Variants in PPP1R9A observed in about 807,000 individuals in gnomAD.
The protein encoded by PPP1R9A is neurabin-1.
PPP1R9A carries 59 observed loss-of-function variants against 141.9 expected under a neutral mutation model. That is an observed-to-expected ratio of 0.42 (90% CI 0.34 to 0.52). PPP1R9A has a LOEUF of 0.52. Among genes scored for constraint, PPP1R9A ranks in the 20% least tolerant of loss-of-function variants. The pLI, the probability that PPP1R9A is intolerant of heterozygous loss-of-function variation, is 0.10. For synonymous variants in PPP1R9A, 500 were observed against 569.7 expected (o/e 0.88, Z 1.74); for missense variants, 1,444 against 1,611.9 (o/e 0.90, Z 1.78).
At chr7:95,101,630 G>A (rs1445313433) in intron 2 of PPP1R9A, among the ~76,000 whole-genome samples, 1 of 152,054 alleles carries the variant, frequency 6.6e-6, no homozygotes, top group Non-Finnish European at 1.5e-5. Flanking sequence ...GCAACAAAGG[G>A]TAAAGAAAGA....
intron 2 of PPP1R9A, among the ~76,000 whole-genome samples, chr7:94,996,002 C>T (rs966137751): frequency 7.2e-5 from 11 of 152,132 alleles, no homozygotes; most frequent in African/African-American, 2.7e-4. Flanking sequence ...AGTACAAGAA[C>T]AGCATCTGGT....
rs1409034508 is a variant in PPP1R9A, at chr7:95,290,726, G to C, written c.*423G>C. Reference sequence around the variant, plus strand: ...CAATTGCACATGTCTGCATGGCAGAGAGCACCCTGCCATGAGATCTGAGAC... The same window carrying C: ...CAATTGCACATGTCTGCATGGCAGACAGCACCCTGCCATGAGATCTGAGAC... On this transcript the variant is annotated 3_prime_UTR_variant, in exon 20 of 20. Coordinates refer to ENST00000433360, the MANE Select transcript of PPP1R9A (RefSeq NM_001166160.2). The C allele has an allele frequency of 1.6e-5, 3 of 187,166 alleles. No individual in the cohort carries two copies. The highest frequency in any genetic ancestry group is 3.4e-5 in the Non-Finnish European group (3 of 88,520). The allele number at this position is 187,166 out of a possible 1,614,324, so 11.6% of individuals were successfully genotyped here. A position where few individuals can be genotyped will look rare whatever the true frequency, so the allele number is the denominator to read the frequency against.
At chr7:95,211,996 A>C (rs76703463) in intron 7 of PPP1R9A, among the ~76,000 whole-genome samples, 2,274 of 152,162 alleles carry the variant, frequency 0.015, 61 homozygotes, top group African/African-American at 0.051. Context: ...TCTCTAATCA[A>C]TCAATTAAAA....
intron 4 of PPP1R9A, chr7:95,155,187 T>TC (rs2152683302): frequency 4.1e-5 from 1 of 24,480 alleles, no homozygotes; most frequent in South Asian, 8.1e-4. Flanking sequence ...CTTTTTTTCT[T>TC]TTTTTTTTTT....
intron 2 of PPP1R9A, among the ~76,000 whole-genome samples, chr7:94,994,545 A>G (rs1801919886): frequency 1.3e-5 from 2 of 152,204 alleles, no homozygotes; most frequent in South Asian, 4.1e-4. Context: ...AGTTTTTATT[A>G]GGAATAATGT....
At chr7:95,161,467 A>C (rs1431098401) in intron 4 of PPP1R9A, among the ~76,000 whole-genome samples, 1 of 152,174 alleles carries the variant, frequency 6.6e-6, no homozygotes, top group Non-Finnish European at 1.5e-5. Context: ...CTCAGTGGAT[A>C]CCAAAATCTG....
At chr7:94,932,037 G>A (rs1794225651) in intron 2 of PPP1R9A, among the ~76,000 whole-genome samples, 1 of 152,204 alleles carries the variant, frequency 6.6e-6, no homozygotes, top group African/African-American at 2.4e-5. Flanking sequence ...CTTGAAGTAG[G>A]TAGGTGATGG....
chr7:95,272,258 C>T (rs535229027), intron 14 of PPP1R9A, among the ~76,000 whole-genome samples: 3 of 152,294 alleles, frequency 2.0e-5, no homozygotes, highest in South Asian at 4.1e-4. Context: ...ATAGTCCTAG[C>T]CATTAAGAGT....
chr7:95,270,676 G>A (rs10215772), intron 14 of PPP1R9A, among the ~76,000 whole-genome samples: 1,755 of 152,144 alleles, frequency 0.012, 31 homozygotes, highest in African/African-American at 0.041. Flanking sequence ...TTGGTCCCGA[G>A]GCTTACATAG....
Position 94,911,243 on chromosome 7 carries a change from C to G in PPP1R9A, c.1130C>G (p.Ser377Cys). ...GDFTSPDASA[S>C]SCGKEVPEDS... ...TTCACCTCTCCTGATGCTTCTGCAT[C>G]CAGTTGTGGAAAAGAAGTACCTGAA... Residue 377 changes from serine to cysteine, a missense_variant, in exon 2 of 20, where the codon TCC becomes TGC. Around this residue, in one of 5 missense-constraint regions of PPP1R9A, gnomAD observed 490 missense variants for 521.1 expected, o/e 0.94. Transcript: ENST00000433360. The G allele has an allele frequency of 8.7e-6, 14 of 1,614,142 alleles. No individual in the cohort carries two copies. The highest frequency in any genetic ancestry group is 1.2e-5 in the Non-Finnish European group (14 of 1,180,014).
intron 2 of PPP1R9A, among the ~76,000 whole-genome samples, chr7:94,941,776 G>A (rs117671883): frequency 1.3e-5 from 2 of 152,030 alleles, no homozygotes; most frequent in East Asian, 3.9e-4. Context: ...TCTTACAAAT[G>A]ATCTTTTATG....
At chr7:95,133,512 A>ATT (rs1192353696) in intron 4 of PPP1R9A, among the ~76,000 whole-genome samples, 1 of 38,930 alleles carries the variant, frequency 2.6e-5, no homozygotes, top group Non-Finnish European at 5.0e-5. Context: ...ATGCAGTCGT[A>ATT]TTATATATAT....
chr7:95,049,564 T>C (rs1462429183), intron 2 of PPP1R9A, among the ~76,000 whole-genome samples: 2 of 152,172 alleles, frequency 1.3e-5, no homozygotes, highest in South Asian at 2.1e-4. Context: ...ATAGTTTACA[T>C]TGGGGTTCAC....
rs143194309 is a variant in PPP1R9A at position 95,244,955 on chromosome 7, T to A, written c.2113-2518T>A. 2.8e-3 allele frequency among the ~76,000 whole-genome samples: 424 copies of A among 152,274 alleles called. 2 individuals carry two copies. Among genetic ancestry groups the A allele is most frequent in the African/African-American group, 8.7e-3 (363 of 41,546 alleles). ...TGAAATGAAAGAGGTTAAGTAATTT[T>A]CTAATGCTCCATAGAGTACATGGTA... On this transcript the variant is annotated intron_variant, in intron 8 of 19. Transcript: ENST00000433360.
chr7:95,044,336 TC>T (rs79793033), intron 2 of PPP1R9A, among the ~76,000 whole-genome samples: 10,070 of 152,256 alleles, frequency 0.066, 415 homozygotes, highest in African/African-American at 0.12. Context: ...CTCCTGTGTT[TC>T]CTCTGCTTTA....
At chr7:95,071,179 C>G (rs1813768329) in intron 2 of PPP1R9A, among the ~76,000 whole-genome samples, 1 of 151,736 alleles carries the variant, frequency 6.6e-6, no homozygotes, top group Non-Finnish European at 1.5e-5. Flanking sequence ...CAGGCAATAT[C>G]TCATTATAGG....
In PPP1R9A at chr7:95,123,661, C is replaced by CA. The variant is rs201805560; in HGVS notation, c.1649+2838dup. Among the ~76,000 whole-genome samples, 714 of 150,624 alleles carry CA rather than the reference C, an allele frequency of 4.7e-3. 5 individuals are homozygous for CA. Among genetic ancestry groups the CA allele is most frequent in the African/African-American group, 0.016 (664 of 41,168 alleles). On this transcript the variant is annotated intron_variant, in intron 4 of 19. Transcript: ENST00000433360. Reference sequence around the variant, plus strand: ...GAGACTCAGTCTCAAAAACAAAAAACAAAAAAAAACTTCATGTGATGTAAT... The same window carrying CA: ...GAGACTCAGTCTCAAAAACAAAAAACAAAAAAAAAACTTCATGTGATGTAAT...
At chr7:95,094,386 T>G (rs994746648) in intron 2 of PPP1R9A, among the ~76,000 whole-genome samples, 1 of 152,164 alleles carries the variant, frequency 6.6e-6, no homozygotes, top group African/African-American at 2.4e-5. Context: ...GTAAAATCAT[T>G]CGTAAATTCA....
chr7:94,983,850 A>C (rs1031299801), intron 2 of PPP1R9A, among the ~76,000 whole-genome samples: 3 of 152,186 alleles, frequency 2.0e-5, no homozygotes, highest in African/African-American at 7.2e-5. Context: ...TTCCCTGGCC[A>C]GAACTTCCAA....
Sources: gnomAD v4.1 joint callset for allele counts (sites outside exome capture counted in the v4.1 genomes callset) on GRCh38, gnomAD v4.1.1 for gene constraint, gnomAD v4.1.1 regional missense constraint, MANE v1.5 for transcripts, NCBI Gene and HGNC (gene_info 2026-07-23, HGNC 2026-07-21) for gene names.